The following ENOX1 variants were observed in gnomAD, a reference collection of about 807,000 sequenced individuals.
The protein encoded by ENOX1 is ecto-NOX disulfide-thiol exchanger 1.
A neutral mutation model predicts 82.5 loss-of-function variants in ENOX1; 42 were observed. That is an observed-to-expected ratio of 0.51 (90% CI 0.40 to 0.66). ENOX1 has a LOEUF of 0.66. Ranked by LOEUF, ENOX1 falls within the 30% of genes least tolerant of loss-of-function variation. The pLI is 0.00. For synonymous variants in ENOX1, 271 were observed against 282.2 expected (o/e 0.96, Z 0.40); for missense variants, 608 against 811.6 (o/e 0.75, Z 3.05).
chr13:43,458,732 T>A (rs1055860966), intron 3 of ENOX1, among the ~76,000 whole-genome samples: 1 of 152,152 alleles, frequency 6.6e-6, no homozygotes, highest in South Asian at 2.1e-4. Context: ...ATGAAGTCCC[T>A]CCAAGTGTTC....
At chr13:43,652,736 A>T (rs2084251160) in intron 2 of ENOX1, among the ~76,000 whole-genome samples, 1 of 152,174 alleles carries the variant, frequency 6.6e-6, no homozygotes, top group Admixed American at 6.5e-5. Flanking sequence ...CCTGACTTTC[A>T]TAGTGGGCAG....
chr13:43,775,099 C>T (rs1421506926), intron 1 of ENOX1, among the ~76,000 whole-genome samples: 1 of 152,122 alleles, frequency 6.6e-6, no homozygotes, highest in African/African-American at 2.4e-5. Context: ...CCGCCAACCT[C>T]GGCCTCCCAA....
At chr13:43,602,310 A>G (rs1294211771) in intron 2 of ENOX1, among the ~76,000 whole-genome samples, 2 of 152,148 alleles carry the variant, frequency 1.3e-5, no homozygotes, top group African/African-American at 2.4e-5. Flanking sequence ...AAATACATCA[A>G]TAGATCAATA....
intron 1 of ENOX1, among the ~76,000 whole-genome samples, chr13:43,771,933 ATTTT>A (rs34718451): frequency 1.7e-3 from 167 of 100,986 alleles, no homozygotes; most frequent in African/African-American, 5.5e-3. Context: ...CGCCCGGCTA[ATTTT>A]TTTTTTTTTT....
intron 14 of ENOX1, among the ~76,000 whole-genome samples, chr13:43,239,505 A>G (rs2042712844): frequency 6.6e-6 from 1 of 152,234 alleles, no homozygotes; most frequent in African/African-American, 2.4e-5. Flanking sequence ...AGAATCTCCA[A>G]AAGGGAAAAC....
At chr13:43,695,690 G>A (rs1363592706) in intron 1 of ENOX1, among the ~76,000 whole-genome samples, 7 of 151,940 alleles carry the variant, frequency 4.6e-5, no homozygotes, top group African/African-American at 1.2e-4. Context: ...TCAGATGATC[G>A]GCCCGCCTCA....
intron 15 of ENOX1, among the ~76,000 whole-genome samples, chr13:43,228,121 T>TTTTA (rs1566283482): frequency 7.1e-6 from 1 of 141,340 alleles, no homozygotes; most frequent in African/African-American, 2.7e-5. Context: ...TTTTTTTTTT[T>TTTTA]AAAGGAACTG....
At chr13:43,216,549 T>C (rs1266675744) in intron 16 of ENOX1, among the ~76,000 whole-genome samples, 2 of 152,180 alleles carry the variant, frequency 1.3e-5, no homozygotes, top group Non-Finnish European at 2.9e-5. Flanking sequence ...CAAGTTATCT[T>C]CTCAAAGAGT....
chr13:43,437,421 G>A (rs1434595020), intron 3 of ENOX1, among the ~76,000 whole-genome samples: 5 of 152,100 alleles, frequency 3.3e-5, no homozygotes, highest in South Asian at 2.1e-4. Context: ...TTCCTTTCCC[G>A]AAAATCTGAG....
chr13:43,711,394 T>C (rs2087701895), intron 1 of ENOX1, among the ~76,000 whole-genome samples: 1 of 152,162 alleles, frequency 6.6e-6, no homozygotes, highest in Non-Finnish European at 1.5e-5. Flanking sequence ...TGGGCATGTG[T>C]CTTTATAGCA....
intron 2 of ENOX1, among the ~76,000 whole-genome samples, chr13:43,570,982 C>T (rs1005253805): frequency 3.3e-5 from 5 of 152,182 alleles, no homozygotes; most frequent in African/African-American, 1.2e-4. Context: ...TCAACTCCAC[C>T]AGAAGATACA....
intron 3 of ENOX1, among the ~76,000 whole-genome samples, chr13:43,471,809 C>CA (rs5803181): frequency 0.22 from 26,649 of 122,010 alleles, 3,061 homozygotes; most frequent in Non-Finnish European, 0.24. Flanking sequence ...GACTCCGTCT[C>CA]AAAAAAAAAA....
At chr13:43,620,721 C>T (rs180782194) in intron 2 of ENOX1, among the ~76,000 whole-genome samples, 62 of 152,184 alleles carry the variant, frequency 4.1e-4, no homozygotes, top group East Asian at 2.9e-3. Context: ...GTGTATTCTG[C>T]GGTTGTCGGA....
chr13:43,582,675 G>A (rs574433163), intron 2 of ENOX1, among the ~76,000 whole-genome samples: 6 of 152,180 alleles, frequency 3.9e-5, no homozygotes, highest in Admixed American at 3.3e-4. Context: ...CCAGGCTCAT[G>A]GGTTGCTCCC....
At chr13:43,689,358 G>A (rs1029572339) in intron 1 of ENOX1, among the ~76,000 whole-genome samples, 1 of 152,172 alleles carries the variant, frequency 6.6e-6, no homozygotes, top group Non-Finnish European at 1.5e-5. Context: ...GAGGTAAAAG[G>A]AAGATCCAGC....
At chr13:43,277,687 G>A (rs1330752395) in intron 12 of ENOX1, among the ~76,000 whole-genome samples, 1 of 152,188 alleles carries the variant, frequency 6.6e-6, no homozygotes, top group Non-Finnish European at 1.5e-5. Context: ...CTGTGTGTTC[G>A]CTAGGGGAAA....
intron 2 of ENOX1, among the ~76,000 whole-genome samples, chr13:43,502,538 G>T (rs2077016193): frequency 6.6e-6 from 1 of 151,722 alleles, no homozygotes; most frequent in Admixed American, 6.6e-5. Flanking sequence ...TTCCTGGGAT[G>T]CAAGGATGGC....
At chr13:43,533,882 T>C (rs2078337209) in intron 2 of ENOX1, among the ~76,000 whole-genome samples, 1 of 152,252 alleles carries the variant, frequency 6.6e-6, no homozygotes, top group Non-Finnish European at 1.5e-5. Context: ...GAGCACCCAT[T>C]TTTTAGTAGG....
chr13:43,249,492 GA>G (rs1366528031), intron 14 of ENOX1, among the ~76,000 whole-genome samples: 4 of 152,116 alleles, frequency 2.6e-5, no homozygotes, highest in Non-Finnish European at 5.9e-5. Flanking sequence ...TAGTCGGTTT[GA>G]TTTATCTTGT....
Sources: gnomAD v4.1 joint callset for allele counts (sites outside exome capture counted in the v4.1 genomes callset) on GRCh38, gnomAD v4.1.1 for gene constraint, MANE v1.5 for transcripts, NCBI Gene and HGNC (gene_info 2026-07-23, HGNC 2026-07-21) for gene names.